The following ITGAD variants were observed in gnomAD, a reference collection of about 807,000 sequenced individuals.
ITGAD encodes integrin alpha-D.
A neutral mutation model predicts 139.0 loss-of-function variants in ITGAD; 105 were observed. That is an observed-to-expected ratio of 0.76 (90% CI 0.65 to 0.89). The LOEUF is 0.89. ITGAD is among the 40% of genes least tolerant of loss of function. The pLI is 0.00. For missense variants in ITGAD, 1,384 were observed against 1,487.3 expected, an observed-to-expected ratio of 0.93 and a Z score of 1.14; for synonymous variants, 569 against 598.3, an observed-to-expected ratio of 0.95 and a Z score of 0.71.
In ITGAD at chr16:31,418,168, C is replaced by G; in HGVS notation, c.2593C>G (p.Pro865Ala). 6.2e-7 allele frequency: 1 copy of G among 1,614,068 alleles called. No homozygotes were observed. The highest frequency in any genetic ancestry group is 8.5e-7 in the Non-Finnish European group (1 of 1,179,952). Residue 865 changes from proline (P) to alanine (A), a missense_variant, in exon 21 of 30, where the codon CCC (proline) becomes GCC (alanine). Pro to Ala is a conservative substitution (Grantham distance 27). Coordinates refer to ENST00000389202, the MANE Select transcript of ITGAD (RefSeq NM_005353.3). ...AAGCAGCCGCTGCAGTGTCAACCAC[C>G]CCATCTTCCATGAGGGCTCTAACGT... Reference protein sequence around the residue: ...LRSSRCSVNHPIFHEGSNGTF... With the variant: ...LRSSRCSVNHAIFHEGSNGTF...
intron 20 of ITGAD, 57 bp downstream of exon 20, chr16:31,416,703 G>A (rs929360791): frequency 3.1e-5 from 48 of 1,535,858 alleles, no homozygotes; most frequent in African/African-American, 1.5e-4. Context: ...CTGTAGCCCC[G>A]GGAGTTACAC....
chr16:31,412,130 C>G (rs372307983), intron 14 of ITGAD, among the ~76,000 whole-genome samples: 1 of 150,478 alleles, frequency 6.6e-6, no homozygotes, highest in African/African-American at 2.5e-5. Context: ...AGTGCAGTGG[C>G]GTAATCTTGG....
intron 23 of ITGAD, among the ~76,000 whole-genome samples, chr16:31,421,022 T>C (rs959744561): frequency 2.6e-5 from 4 of 152,232 alleles, no homozygotes; most frequent in Admixed American, 1.3e-4. Context: ...TATATACCCA[T>C]GTCAGGCACG....
chr16:31,399,164 G>A (rs753415894), intron 5 of ITGAD, among the ~76,000 whole-genome samples: 23 of 152,242 alleles, frequency 1.5e-4, no homozygotes, highest in Non-Finnish European at 3.4e-4. Context: ...TTTTCCATGG[G>A]CACCAGGCTT....
At chr16:31,393,538 A>G in intron 1 of ITGAD, 147 bp downstream of exon 1, 1 of 798,216 alleles carries the variant, frequency 1.3e-6, no homozygotes, top group Non-Finnish European at 2.1e-6. Flanking sequence ...AGTGGCCCGG[A>G]GTCAGTAGAG....
chr16:31,426,007 CCT>C lies in ITGAD; in HGVS notation c.3373-7_3373-6del, dbSNP rs777250618. ...TACCCAGCTTTTCTAATTTATTTCC[CCT>C]GATAGCTTGGCTTCTTCAAACGCCA... On this transcript the variant is annotated splice_region_variant and splice_polypyrimidine_tract_variant and intron_variant, in intron 29 of 29. Transcript: ENST00000389202. 1.4e-5 allele frequency: 22 copies of C among 1,598,894 alleles called. No individual in the cohort carries two copies. The East Asian group carries it at 4.2e-4, about 31-fold the overall frequency.
At chr16:31,394,415 C>A (rs62051538) in intron 2 of ITGAD, 74 bp downstream of exon 2, 2 of 1,149,302 alleles carry the variant, frequency 1.7e-6, no homozygotes, top group African/African-American at 1.5e-5. Flanking sequence ...TGGGTTACCC[C>A]AGGGAGGTGT....
rs148819911 is a variant in ITGAD, at chr16:31,413,194, T to C, written c.1944T>C (p.Ala648=). The change falls in exon 16 of 30, where the codon GCT becomes GCC. Residue 648 remains alanine, a synonymous_variant. Coordinates refer to ENST00000389202, the MANE Select transcript of ITGAD (RefSeq NM_005353.3). The part of the protein sequence containing the change: ...CWEEKPSALE[A]GDATVCLTIQ... ...AAGAGAAGCCCAGTGCCCTGGAAGC[T>C]GGGGACGCCACCGTCTGTCTCACCA... 11 of 1,613,986 alleles carry C rather than the reference T, an allele frequency of 6.8e-6. No homozygotes were observed. In the African/African-American group the frequency reaches 1.3e-4, roughly 20 times the overall value.
intron 2 of ITGAD, 46 bp from the exon 3 acceptor site, chr16:31,397,313 C>G (rs2081288823): frequency 7.4e-7 from 1 of 1,354,414 alleles, no homozygotes; most frequent in African/African-American, 1.4e-5. Flanking sequence ...CCGCTGCTCC[C>G]ACCCCTCCTG....
intron 19 of ITGAD, 39 bp from the exon 20 acceptor site, chr16:31,416,466 C>G (rs765397463): frequency 6.3e-7 from 1 of 1,591,730 alleles, no homozygotes; most frequent in South Asian, 1.1e-5. Context: ...CACCTATTTC[C>G]AGTGGAGCGC....
In ITGAD at chr16:31,411,337, C is replaced by G; in HGVS notation, c.1527C>G (p.Leu509=). 6.2e-6 allele frequency: 10 copies of G among 1,613,730 alleles called. No individual in the cohort carries two copies. Among genetic ancestry groups the G allele is most frequent in the Non-Finnish European group, 8.5e-6 (10 of 1,179,780 alleles). The stretch of plus-strand genomic sequence containing the variant: ...TGCAGTGGCAGTGTGACGCTGTTCT[C>G]CGTGGTGAGCAGGGCCACCCCTGGG... ...GRVQWQCDAV[L]RGEQGHPWGR... Residue 509 remains leucine (L), a synonymous_variant, in exon 14 of 30, where the codon CTC becomes CTG. Transcript: ENST00000389202.
Position 31,403,442 on chromosome 16 carries a change from A to G in ITGAD, c.559-58A>G. The G allele has an allele frequency of 1.9e-6, 3 of 1,595,920 alleles. No individual in the cohort carries two copies. Among genetic ancestry groups the G allele is most frequent in the Non-Finnish European group, 2.6e-6 (3 of 1,168,596 alleles). The stretch of plus-strand genomic sequence containing the variant: ...GAGACCCTGTCTCTACAAAAAATTA[A>G]AATAAAAACAATAGTAACAGGCACT... On this transcript the variant is annotated intron_variant, in intron 6 of 29. Coordinates refer to ENST00000389202, the MANE Select transcript of ITGAD (RefSeq NM_005353.3). This position sits in a 1 kb window ranked among gnomAD's most constrained non-coding sequence, Gnocchi z 4.4.
In ITGAD at chr16:31,403,312, A is replaced by AAAAAC. The variant is rs1439305458; in HGVS notation, c.559-173_559-169dup. 4.5e-5 allele frequency: 29 copies of AAAAAC among 644,008 alleles called. No homozygotes were observed. The highest frequency in any genetic ancestry group is 6.2e-5 in the Non-Finnish European group (24 of 385,262). 39.9% of individuals were successfully genotyped at this position (644,008 alleles called of 1,614,324 possible). On this transcript the variant is annotated intron_variant, in intron 6 of 29. Coordinates refer to ENST00000389202, the MANE Select transcript of ITGAD (RefSeq NM_005353.3). The surrounding 1 kb of genome is among the most constrained non-coding windows in gnomAD (Gnocchi z 4.4). ...AACATAGTGAGACCTTGTCTCTACC[A>AAAAAC]AAAACAAAACAAAACAAAAAACAAA...
chr16:31,412,837 G>T lies in ITGAD; in HGVS notation c.1708-1G>T. On this transcript the variant is annotated splice_acceptor_variant, in intron 14 of 29. Coordinates refer to ENST00000389202, the MANE Select transcript of ITGAD (RefSeq NM_005353.3). LOFTEE classifies it high-confidence loss of function. ...GATTCACCCTTTTCTCTTCTGGCCA[G>T]CGGATTGCCAGCTCCCAGCTCTCCC... is the stretch of plus-strand genomic sequence containing the variant. 1 of 1,613,856 alleles carries T rather than the reference G, an allele frequency of 6.2e-7. No homozygotes were observed. Among genetic ancestry groups the T allele is most frequent in the Non-Finnish European group, 8.5e-7 (1 of 1,179,986 alleles).
chr16:31,415,817 T>C (rs2081871510), intron 18 of ITGAD, among the ~76,000 whole-genome samples: 1 of 152,232 alleles, frequency 6.6e-6, no homozygotes, highest in Non-Finnish European at 1.5e-5. Flanking sequence ...ATGGCTGTTA[T>C]AACCATCTGC....
rs1009770983 is a variant in ITGAD at position 31,394,270 on chromosome 16, G to T, written c.66G>T (p.Val22=). 1 of 1,613,932 alleles carries T rather than the reference G, an allele frequency of 6.2e-7. No homozygotes were observed. Among genetic ancestry groups the T allele is most frequent in the Non-Finnish European group, 8.5e-7 (1 of 1,179,884 alleles). The change falls in exon 2 of 30, where the codon GTG becomes GTT. Residue 22 remains valine (V), a synonymous_variant. Coordinates refer to ENST00000389202, the MANE Select transcript of ITGAD (RefSeq NM_005353.3). ...LASYHGFNLD[V]EEPTIFQEDA... The stretch of plus-strand genomic sequence containing the variant: ...CTTATCATGGATTCAACCTGGATGT[G>T]GAGGAGCCTACGATCTTCCAGGAGG...
intron 7 of ITGAD, chr16:31,404,231 CCT>C (rs2081481273): frequency 6.5e-6 from 1 of 153,636 alleles, no homozygotes; most frequent in Admixed American, 6.4e-5. Flanking sequence ...CTGCGCACCC[CCT>C]GTGCTACCCA....
At chr16:31,409,276 C>T (rs2081617665) in intron 10 of ITGAD, among the ~76,000 whole-genome samples, 1 of 151,200 alleles carries the variant, frequency 6.6e-6, no homozygotes, top group Non-Finnish European at 1.5e-5. Context: ...GCCTAGGTGA[C>T]AGAACGAGTC....
chr16:31,402,320 TG>T (rs1431075413), intron 6 of ITGAD, 75 bp downstream of exon 6: 4 of 210,122 alleles, frequency 1.9e-5, no homozygotes, highest in Non-Finnish European at 2.0e-5. Flanking sequence ...CCGGGAGGGG[TG>T]GGGGCAGGCC....
Sources: allele counts gnomAD v4.1 joint callset (sites outside exome capture counted in the v4.1 genomes callset), GRCh38; gene constraint gnomAD v4.1.1; non-coding constraint Gnocchi (gnomAD v3.1); transcripts MANE v1.5; gene names NCBI Gene and HGNC (gene_info 2026-07-23, HGNC 2026-07-21).